GPC5: variants seen among roughly 807,000 people sequenced by gnomAD.
GPC5 encodes glypican 5.
GPC5 carries 47 observed loss-of-function variants against 53.9 expected under a neutral mutation model. That is an observed-to-expected ratio of 0.87 (90% CI 0.69 to 1.11). GPC5 has a LOEUF of 1.11. Ranked by LOEUF, GPC5 falls within the 50% of genes most tolerant of loss-of-function variation. The probability of loss-of-function intolerance (pLI) is 0.00; values close to 1 mark genes in which losing one functional copy is unlikely to be tolerated. For synonymous variants in GPC5, 286 were observed against 263.3 expected (o/e 1.09, Z -0.84); for missense variants, 748 against 713.1 (o/e 1.05, Z -0.56).
At chr13:92,743,735 CTCT>C (rs1342730366) in intron 7 of GPC5, among the ~76,000 whole-genome samples, 1 of 152,064 alleles carries the variant, frequency 6.6e-6, no homozygotes, top group Non-Finnish European at 1.5e-5. Flanking sequence ...TCATAAATAG[CTCT>C]TATTATTTTG....
intron 7 of GPC5, among the ~76,000 whole-genome samples, chr13:92,346,789 T>TA (rs538170645): frequency 1.8e-3 from 273 of 152,030 alleles, no homozygotes; most frequent in African/African-American, 6.3e-3. Flanking sequence ...AATATATGGA[T>TA]AAAAAAATCA....
At chr13:91,784,795 C>A (rs191026640) in intron 5 of GPC5, among the ~76,000 whole-genome samples, 2 of 151,554 alleles carry the variant, frequency 1.3e-5, no homozygotes, top group South Asian at 4.2e-4. Context: ...ATGGTTATAG[C>A]CATATGTGAT....
intron 6 of GPC5, among the ~76,000 whole-genome samples, chr13:92,110,382 A>T (rs559256112): frequency 6.6e-6 from 1 of 152,188 alleles, no homozygotes; most frequent in Non-Finnish European, 1.5e-5. Flanking sequence ...AATCAGACTG[A>T]TCATGTTTTG....
Position 92,404,777 on chromosome 13 carries a change from C to T in GPC5, c.1561+259788C>T, listed in dbSNP as rs756833051. The stretch of plus-strand genomic sequence containing the variant: ...TTTTTCTACTAAACCAACGTTTCCC[C>T]GAGATAGCTCAACAGAAGGTGTTTA... On this transcript the variant is annotated intron_variant, in intron 7 of 7. Coordinates refer to ENST00000377067, the MANE Select transcript of GPC5 (RefSeq NM_004466.6). Among the ~76,000 whole-genome samples, 40 of 149,556 alleles carry T rather than the reference C, an allele frequency of 2.7e-4. 3 individuals are homozygous for T. The highest frequency in any genetic ancestry group is 4.0e-4 in the Non-Finnish European group (27 of 67,332).
At chr13:92,508,792 G>A (rs1232906796) in intron 7 of GPC5, among the ~76,000 whole-genome samples, 1 of 152,186 alleles carries the variant, frequency 6.6e-6, no homozygotes, top group East Asian at 1.9e-4. Flanking sequence ...AAATATTGAT[G>A]TGATTGGAAA....
intron 2 of GPC5, among the ~76,000 whole-genome samples, chr13:91,665,712 A>G (rs2035096309): frequency 6.6e-6 from 1 of 151,990 alleles, no homozygotes; most frequent in Non-Finnish European, 1.5e-5. Flanking sequence ...TCACCGTGTT[A>G]GCCAGGATGG....
At chr13:91,474,355 T>G (rs1020996505) in intron 2 of GPC5, among the ~76,000 whole-genome samples, 1 of 152,134 alleles carries the variant, frequency 6.6e-6, no homozygotes, top group Non-Finnish European at 1.5e-5. Flanking sequence ...GCTAAACTAT[T>G]AACTTGGTTT....
At chr13:92,808,868 T>G (rs1877194879) in intron 7 of GPC5, among the ~76,000 whole-genome samples, 1 of 152,124 alleles carries the variant, frequency 6.6e-6, no homozygotes. Context: ...TGTTATCTAT[T>G]TAACTCCAAT....
At chr13:92,056,001 A>T (rs944904216) in intron 6 of GPC5, among the ~76,000 whole-genome samples, 2 of 152,172 alleles carry the variant, frequency 1.3e-5, no homozygotes, top group Non-Finnish European at 2.9e-5. Context: ...TATGTTAGCT[A>T]TCATTAAAAA....
chr13:91,936,226 C>T (rs1360495199), intron 6 of GPC5, among the ~76,000 whole-genome samples: 1 of 152,018 alleles, frequency 6.6e-6, no homozygotes, highest in East Asian at 1.9e-4. Context: ...AAGCTTTGCA[C>T]TGAAGAGTGA....
intron 7 of GPC5, among the ~76,000 whole-genome samples, chr13:92,378,175 G>A (rs1158013292): frequency 6.6e-6 from 1 of 152,134 alleles, no homozygotes; most frequent in Non-Finnish European, 1.5e-5. Context: ...TTTCCTGCTA[G>A]TCCTGCTAGT....
At chr13:92,424,093 G>T (rs1336576821) in intron 7 of GPC5, among the ~76,000 whole-genome samples, 1 of 152,078 alleles carries the variant, frequency 6.6e-6, no homozygotes, top group African/African-American at 2.4e-5. Flanking sequence ...CTTGAGAAAT[G>T]TATGAATGTT....
chr13:92,175,727 T>A (rs937865592), intron 7 of GPC5, among the ~76,000 whole-genome samples: 7 of 152,170 alleles, frequency 4.6e-5, no homozygotes, highest in African/African-American at 1.7e-4. Flanking sequence ...TAATTAGAAA[T>A]CTTTTTATAT....
At chr13:91,866,003 G>A (rs2039079907) in intron 5 of GPC5, among the ~76,000 whole-genome samples, 1 of 152,170 alleles carries the variant, frequency 6.6e-6, no homozygotes, top group South Asian at 2.1e-4. Context: ...AAGTAGCTGG[G>A]ATTATAGGCA....
chr13:92,059,155 C>A (rs2138850073), intron 6 of GPC5, among the ~76,000 whole-genome samples: 1 of 152,248 alleles, frequency 6.6e-6, no homozygotes, highest in Middle Eastern at 3.4e-3. Flanking sequence ...TTATTTATTA[C>A]TTGGCTGTAG....
intron 5 of GPC5, among the ~76,000 whole-genome samples, chr13:91,780,854 C>T (rs893666279): frequency 1.3e-5 from 2 of 152,156 alleles, no homozygotes; most frequent in African/African-American, 4.8e-5. Context: ...ATAATAACTT[C>T]GTTTTTCTTG....
At chr13:91,586,549 T>C (rs1165370768) in intron 2 of GPC5, among the ~76,000 whole-genome samples, 3 of 41,350 alleles carry the variant, frequency 7.3e-5, no homozygotes, top group African/African-American at 4.5e-4. Context: ...TATATATATA[T>C]ATATATATAT....
chr13:92,592,525 C>A (rs1407872871), intron 7 of GPC5, among the ~76,000 whole-genome samples: 1 of 151,168 alleles, frequency 6.6e-6, no homozygotes, highest in Non-Finnish European at 1.5e-5. Flanking sequence ...AAATTCTTAA[C>A]CCTTTGTGGA....
chr13:92,726,098 G>C (rs559189322), intron 7 of GPC5, among the ~76,000 whole-genome samples: 1 of 151,430 alleles, frequency 6.6e-6, no homozygotes, highest in Non-Finnish European at 1.5e-5. Context: ...AAGAGCTAAA[G>C]AGTAGAGTCA....
Sources: allele counts gnomAD v4.1 joint callset (sites outside exome capture counted in the v4.1 genomes callset), GRCh38; gene constraint gnomAD v4.1.1; transcripts MANE v1.5; gene names NCBI Gene and HGNC (gene_info 2026-07-23, HGNC 2026-07-21).